FRMD4A: variants seen among roughly 807,000 people sequenced by gnomAD.
FRMD4A encodes the protein FERM domain containing 4A.
A neutral mutation model predicts 129.1 loss-of-function variants in FRMD4A; 29 were observed. The ratio of observed to expected loss-of-function variants is 0.22; its 90% CI spans 0.17 to 0.31. The LOEUF is 0.31. Among genes scored for constraint, FRMD4A ranks in the 10% least tolerant of loss-of-function variants. The probability of loss-of-function intolerance (pLI) is 1.00; values close to 1 mark genes in which losing one functional copy is unlikely to be tolerated. For synonymous variants in FRMD4A, 634 were observed against 571.6 expected, an observed-to-expected ratio of 1.11 and a Z score of -1.56; for missense variants, 1,272 against 1,375.8, an observed-to-expected ratio of 0.92 and a Z score of 1.19.
At chr10:14,053,469 C>A (rs1834360513) in intron 2 of FRMD4A, among the ~76,000 whole-genome samples, 1 of 152,164 alleles carries the variant, frequency 6.6e-6, no homozygotes, top group Non-Finnish European at 1.5e-5. Context: ...TGATCTACCC[C>A]CAGTGGAAGC....
intron 2 of FRMD4A, among the ~76,000 whole-genome samples, chr10:14,220,531 A>T (rs370364805): frequency 6.6e-6 from 1 of 152,210 alleles, no homozygotes; most frequent in South Asian, 2.1e-4. Flanking sequence ...AATTTTTTGT[A>T]TGTGGGTTCT....
chr10:14,019,357 A>C (rs1832625361), intron 2 of FRMD4A, among the ~76,000 whole-genome samples: 1 of 152,272 alleles, frequency 6.6e-6, no homozygotes, highest in African/African-American at 2.4e-5. Context: ...AAATAAGGCA[A>C]TTATCAACTC....
intron 13 of FRMD4A, 60 bp from the exon 14 acceptor site, chr10:13,701,538 G>C: frequency 6.5e-7 from 1 of 1,527,098 alleles, no homozygotes; most frequent in Non-Finnish European, 9.0e-7. Flanking sequence ...CCATTTCTCA[G>C]TCAACAGCTT....
chr10:13,660,983 G>T (rs2082597282), intron 19 of FRMD4A, among the ~76,000 whole-genome samples: 1 of 152,168 alleles, frequency 6.6e-6, no homozygotes, highest in African/African-American at 2.4e-5. Context: ...TTCATCTGCT[G>T]CTAGATCCTC....
chr10:14,267,801 C>T (rs1029607101), intron 2 of FRMD4A, among the ~76,000 whole-genome samples: 3 of 152,150 alleles, frequency 2.0e-5, no homozygotes, highest in Non-Finnish European at 2.9e-5. Context: ...TTTGGGAAAA[C>T]TCGATTGCCA....
chr10:14,011,557 C>A (rs969884482), intron 2 of FRMD4A, among the ~76,000 whole-genome samples: 4 of 152,118 alleles, frequency 2.6e-5, no homozygotes, highest in African/African-American at 9.7e-5. Context: ...CAGCATCTTC[C>A]AGCCAGTTGA....
chr10:14,025,574 C>T (rs570875968), intron 2 of FRMD4A, among the ~76,000 whole-genome samples: 1 of 152,160 alleles, frequency 6.6e-6, no homozygotes, highest in Non-Finnish European at 1.5e-5. Context: ...TGATTATTGT[C>T]TAAGAAAAAT....
intron 2 of FRMD4A, among the ~76,000 whole-genome samples, chr10:14,311,924 G>C (rs980958442): frequency 2.0e-5 from 3 of 152,010 alleles, no homozygotes; most frequent in Non-Finnish European, 4.4e-5. Flanking sequence ...TGAAGTGAGG[G>C]ACCATGTCTT....
chr10:14,224,864 T>C (rs538405497), intron 2 of FRMD4A, among the ~76,000 whole-genome samples: 3 of 152,190 alleles, frequency 2.0e-5, no homozygotes, highest in African/African-American at 2.4e-5. Flanking sequence ...TTGCAACTGA[T>C]GTAGAGCAGG....
chr10:14,113,779 CGT>C (rs899038152), intron 2 of FRMD4A, among the ~76,000 whole-genome samples: 8 of 151,918 alleles, frequency 5.3e-5, no homozygotes, highest in Admixed American at 2.6e-4. Flanking sequence ...TGTGCGCGCG[CGT>C]GTGTGCGTGT....
intron 2 of FRMD4A, among the ~76,000 whole-genome samples, chr10:14,037,076 T>A (rs2131668953): frequency 6.6e-6 from 1 of 152,340 alleles, no homozygotes; most frequent in Middle Eastern, 3.4e-3. Context: ...GGCAACCACT[T>A]TTACATGCTT....
chr10:14,092,861 G>T lies in FRMD4A; in HGVS notation c.46-233949C>A, dbSNP rs1050205535. 1.2e-4 allele frequency among the ~76,000 whole-genome samples: 19 copies of T among 152,352 alleles called. No homozygotes were observed. The South Asian group carries it at 2.3e-3, about 18-fold the overall frequency. On this transcript the variant is annotated intron_variant, in intron 2 of 24. Transcript: ENST00000357447. ...AAGATAGGACTAGATGAGGTCAACTGCTCTCCAGAATGGGACTCAGGCCTA... is the reference window on the plus strand; with the variant it reads ...AAGATAGGACTAGATGAGGTCAACTTCTCTCCAGAATGGGACTCAGGCCTA...
chr10:13,778,530 C>A (rs1381251633), intron 6 of FRMD4A, among the ~76,000 whole-genome samples: 1 of 151,780 alleles, frequency 6.6e-6, no homozygotes, highest in Non-Finnish European at 1.5e-5. Context: ...ATTGGTGGAA[C>A]TATTCTGTGC....
intron 2 of FRMD4A, among the ~76,000 whole-genome samples, chr10:14,019,757 G>A (rs1832648394): frequency 6.6e-6 from 1 of 152,248 alleles, no homozygotes; most frequent in Admixed American, 6.5e-5. Context: ...ACGTGCCCAT[G>A]CAATGTCAGT....
intron 2 of FRMD4A, among the ~76,000 whole-genome samples, chr10:14,297,961 T>G (rs1047424940): frequency 6.6e-6 from 1 of 152,224 alleles, no homozygotes; most frequent in Non-Finnish European, 1.5e-5. Context: ...TCTCTGGGTT[T>G]TCTCAGCTGT....
At chr10:14,202,292 G>A (rs1318895225) in intron 2 of FRMD4A, among the ~76,000 whole-genome samples, 1 of 152,172 alleles carries the variant, frequency 6.6e-6, no homozygotes, top group Non-Finnish European at 1.5e-5. Flanking sequence ...AGAAGGTGGT[G>A]GTATCCCCTC....
chr10:13,754,723 T>C (rs2091782942), intron 8 of FRMD4A, among the ~76,000 whole-genome samples: 1 of 152,122 alleles, frequency 6.6e-6, no homozygotes, highest in African/African-American at 2.4e-5. Context: ...TTCTAGGATG[T>C]TTCCAACAGG....
At position 13,714,046 on chromosome 10, in the gene FRMD4A, A is replaced by AAAATATATATTT. The variant is rs1564673400; in HGVS notation, c.760-6934_760-6933insAAATATATATTT. Among the ~76,000 whole-genome samples the AAAATATATATTT allele has an allele frequency of 6.7e-4, 12 of 17,954 alleles. 1 individual carries two copies. The highest frequency in any genetic ancestry group is 1.7e-3 in the African/African-American group (11 of 6,526). 11.8% of individuals were successfully genotyped at this position (17,954 alleles called of 152,430 possible). A position where few individuals can be genotyped will look rare whatever the true frequency, so the allele number is the denominator to read the frequency against. On this transcript the variant is annotated intron_variant, in intron 12 of 24. Coordinates refer to ENST00000357447, the MANE Select transcript of FRMD4A (RefSeq NM_018027.5). ...AATATACATATATATATATATATAT[A>AAAATATATATTT]TATATATATATATAAAATATACTTT...
At chr10:14,081,987 G>A (rs150516265) in intron 2 of FRMD4A, among the ~76,000 whole-genome samples, 12 of 152,334 alleles carry the variant, frequency 7.9e-5, no homozygotes, top group African/African-American at 1.9e-4. Flanking sequence ...AGTGGCTCAC[G>A]CCTGTAATCC....
Sources: gnomAD v4.1 joint callset for allele counts (sites outside exome capture counted in the v4.1 genomes callset) on GRCh38, gnomAD v4.1.1 for gene constraint, MANE v1.5 for transcripts, NCBI Gene and HGNC (gene_info 2026-07-23, HGNC 2026-07-21) for gene names.